ADGRB3: variants seen among roughly 807,000 people sequenced by gnomAD.
The protein encoded by ADGRB3 is adhesion G protein-coupled receptor B3, also known as brain-specific angiogenesis inhibitor 3.
A neutral mutation model predicts 193.4 loss-of-function variants in ADGRB3; 37 were observed. The observed-to-expected ratio is 0.19, with a 90% CI of 0.15 to 0.25. The LOEUF (loss-of-function observed/expected upper bound fraction) is 0.25, where lower values mean the gene tolerates loss of function less well. ADGRB3 is among the 10% of genes least tolerant of loss of function. The pLI, the probability that ADGRB3 is intolerant of heterozygous loss-of-function variation, is 1.00. For missense variants in ADGRB3, 1,637 were observed against 1,852.9 expected (o/e 0.88, Z 2.14); for synonymous variants, 690 against 644.2 (o/e 1.07, Z -1.08).
chr6:68,791,629 AG>A lies in ADGRB3; in HGVS notation c.758-138928del, dbSNP rs1227350348. On this transcript the variant is annotated intron_variant, in intron 3 of 31. Coordinates refer to ENST00000370598, the MANE Select transcript of ADGRB3 (RefSeq NM_001704.3). ...ACTTTCAATGGTTTGCTGACTTTGAAGGAGGAAACTATGCCTCATTTGCCAT... is the reference window on the plus strand; with the variant it reads ...ACTTTCAATGGTTTGCTGACTTTGAAGAGGAAACTATGCCTCATTTGCCAT... 2.6e-5 allele frequency among the ~76,000 whole-genome samples: 4 copies of A among 152,266 alleles called. No individual in the cohort carries two copies. In the East Asian group the frequency reaches 7.7e-4, roughly 29 times the overall value.
At chr6:69,198,455 C>A (rs145417264) in intron 17 of ADGRB3, among the ~76,000 whole-genome samples, 337 of 151,952 alleles carry the variant, frequency 2.2e-3, no homozygotes, top group African/African-American at 7.6e-3. Flanking sequence ...AAAGATGGAG[C>A]GTGGGATGAT....
intron 3 of ADGRB3, among the ~76,000 whole-genome samples, chr6:68,713,552 A>T (rs1765439729): frequency 6.6e-6 from 1 of 151,756 alleles, no homozygotes; most frequent in African/African-American, 2.4e-5. Flanking sequence ...GAACTTTCAT[A>T]ACTCTATCTA....
intron 20 of ADGRB3, among the ~76,000 whole-genome samples, chr6:69,255,425 T>C (rs1464103715): frequency 6.6e-6 from 1 of 152,228 alleles, no homozygotes; most frequent in African/African-American, 2.4e-5. Flanking sequence ...TGGTATCTCA[T>C]TGTGGTTTTG....
At chr6:69,078,571 A>G (rs569153527) in intron 17 of ADGRB3, among the ~76,000 whole-genome samples, 1 of 152,052 alleles carries the variant, frequency 6.6e-6, no homozygotes, top group Non-Finnish European at 1.5e-5. Context: ...GCTGCATTGT[A>G]TAGGTATATC....
chr6:69,175,986 T>C (rs1305786067), intron 17 of ADGRB3, among the ~76,000 whole-genome samples: 1 of 152,228 alleles, frequency 6.6e-6, no homozygotes, highest in Non-Finnish European at 1.5e-5. Context: ...GGTACATTGA[T>C]TTTGTATCTA....
chr6:69,103,105 C>CA (rs201194950), intron 17 of ADGRB3, among the ~76,000 whole-genome samples: 43 of 150,960 alleles, frequency 2.8e-4, no homozygotes, highest in African/African-American at 7.8e-4. Flanking sequence ...ATGTTGCCCT[C>CA]AAAAAAAAAT....
At chr6:69,239,520 T>C (rs1335606727) in intron 20 of ADGRB3, among the ~76,000 whole-genome samples, 2 of 151,992 alleles carry the variant, frequency 1.3e-5, no homozygotes, top group Non-Finnish European at 2.9e-5. Context: ...TCAAAGCACA[T>C]ATTTTGATTC....
intron 17 of ADGRB3, among the ~76,000 whole-genome samples, chr6:69,224,785 T>A (rs997074062): frequency 3.0e-4 from 46 of 152,180 alleles, no homozygotes; most frequent in Non-Finnish European, 5.6e-4. Context: ...TCTGCCGTTT[T>A]TTAATGGCTG....
chr6:69,264,324 C>G (rs1224456913), intron 20 of ADGRB3, among the ~76,000 whole-genome samples: 1 of 151,974 alleles, frequency 6.6e-6, no homozygotes, highest in Non-Finnish European at 1.5e-5. Flanking sequence ...TCTTTGCTTT[C>G]ACGTGCTAAA....
intron 20 of ADGRB3, among the ~76,000 whole-genome samples, chr6:69,250,483 AT>A (rs1766596736): frequency 1.3e-5 from 2 of 152,206 alleles, no homozygotes; most frequent in African/African-American, 2.4e-5. Flanking sequence ...CCAATTATCT[AT>A]TGCTATGTAA....
At chr6:69,133,206 A>G (rs1218724275) in intron 17 of ADGRB3, among the ~76,000 whole-genome samples, 1 of 152,158 alleles carries the variant, frequency 6.6e-6, no homozygotes, top group Non-Finnish European at 1.5e-5. Flanking sequence ...TCTATAAATT[A>G]CTTTGGGCAG....
chr6:69,238,420 T>C (rs114893352), intron 19 of ADGRB3, among the ~76,000 whole-genome samples: 304 of 152,204 alleles, frequency 2.0e-3, no homozygotes, highest in African/African-American at 6.8e-3. Context: ...AACAACTATA[T>C]AACAGACTGT....
At chr6:68,679,530 G>C (rs753160240) in intron 3 of ADGRB3, among the ~76,000 whole-genome samples, 13 of 151,986 alleles carry the variant, frequency 8.6e-5, no homozygotes, top group Admixed American at 2.6e-4. Context: ...TCCCTGGCTA[G>C]GTAGCTGCTT....
intron 11 of ADGRB3, among the ~76,000 whole-genome samples, chr6:68,994,384 G>T: frequency 6.6e-6 from 1 of 152,122 alleles, no homozygotes; most frequent in East Asian, 1.9e-4. Context: ...TTAGGATTTT[G>T]CTATTAGTGG....
chr6:69,147,820 A>G (rs1159117695), intron 17 of ADGRB3, among the ~76,000 whole-genome samples: 1 of 152,154 alleles, frequency 6.6e-6, no homozygotes, highest in Admixed American at 6.5e-5. Context: ...ATATATGGTG[A>G]TCCAGTGTTC....
intron 3 of ADGRB3, among the ~76,000 whole-genome samples, chr6:68,832,277 A>G (rs1235450829): frequency 1.3e-5 from 2 of 152,194 alleles, no homozygotes; most frequent in African/African-American, 2.4e-5. Flanking sequence ...ATGTGCTTCT[A>G]TAAACCTGAG....
chr6:68,830,674 A>G (rs1767935133), intron 3 of ADGRB3, among the ~76,000 whole-genome samples: 1 of 152,148 alleles, frequency 6.6e-6, no homozygotes, highest in African/African-American at 2.4e-5. Context: ...GAGAGAGGAA[A>G]CTAAGTTGAT....
At chr6:69,372,905 C>A (rs1028476660) in intron 30 of ADGRB3, among the ~76,000 whole-genome samples, 1 of 151,768 alleles carries the variant, frequency 6.6e-6, no homozygotes, top group Non-Finnish European at 1.5e-5. Flanking sequence ...AGGTTCTCTG[C>A]GGTACATTTG....
intron 3 of ADGRB3, among the ~76,000 whole-genome samples, chr6:68,715,355 T>G (rs1053188836): frequency 1.8e-4 from 28 of 151,676 alleles, no homozygotes; most frequent in African/African-American, 6.5e-4. Flanking sequence ...TTTACTGAGG[T>G]TATATCAAAT....
Sources: allele counts gnomAD v4.1 joint callset (sites outside exome capture counted in the v4.1 genomes callset), GRCh38; gene constraint gnomAD v4.1.1; transcripts MANE v1.5; gene names NCBI Gene and HGNC (gene_info 2026-07-23, HGNC 2026-07-21).